The following GUCY2C variants were observed in gnomAD, a reference collection of about 807,000 sequenced individuals.
The protein encoded by GUCY2C is guanylyl cyclase C.
In GUCY2C, 118 loss-of-function variants were observed where a neutral mutation model predicts 131.1. The ratio of observed to expected loss-of-function variants is 0.90; its 90% CI spans 0.78 to 1.05. The LOEUF is 1.05. GUCY2C is among the 50% of genes least tolerant of loss of function. The pLI, the probability that GUCY2C is intolerant of heterozygous loss-of-function variation, is 0.00. For missense variants in GUCY2C, 1,161 were observed against 1,304.4 expected, an observed-to-expected ratio of 0.89 and a Z score of 1.69; for synonymous variants, 452 against 457.8, an observed-to-expected ratio of 0.99 and a Z score of 0.16.
intron 19 of GUCY2C, among the ~76,000 whole-genome samples, chr12:14,634,446 T>C (rs1311177570): frequency 6.6e-6 from 1 of 152,028 alleles, no homozygotes; most frequent in Non-Finnish European, 1.5e-5. Context: ...CATGAAAGTA[T>C]GAAACCCACT....
At position 14,616,690 on chromosome 12, in the gene GUCY2C, G is replaced by A. The variant is rs745573829; in HGVS notation, c.2913C>T (p.Ile971=). 2 of 1,609,762 alleles carry A rather than the reference G, an allele frequency of 1.2e-6. No homozygotes were observed. Among genetic ancestry groups the A allele is most frequent in the South Asian group, 2.2e-5 (2 of 90,976 alleles). Residue 971 remains isoleucine (I), a synonymous_variant, in exon 25 of 27, where the codon ATC becomes ATT. Coordinates refer to ENST00000261170, the MANE Select transcript of GUCY2C (RefSeq NM_004963.4). ...GGAACTGGCACTCAGTTCTCTTCAGGATGGCTATGGTGGAGCCACTCACGT... is the reference window on the plus strand; with the variant it reads ...GGAACTGGCACTCAGTTCTCTTCAGAATGGCTATGGTGGAGCCACTCACGT... The part of the protein sequence containing the change: ...RIHVSGSTIA[I]LKRTECQFLY...
In GUCY2C at chr12:14,631,012, G is replaced by C. The variant is rs555112435; in HGVS notation, c.2158-2275C>G. Among the ~76,000 whole-genome samples the C allele has an allele frequency of 4.3e-4, 66 of 152,262 alleles. No homozygotes were observed. The Middle Eastern group carries it at 0.01, about 24-fold the overall frequency. ...AGGAATGAGGAGAAGGCAGGGCTAGGAGCAGCTGTACTTCGGAAAGCTGTA... is the reference window on the plus strand; with the variant it reads ...AGGAATGAGGAGAAGGCAGGGCTAGCAGCAGCTGTACTTCGGAAAGCTGTA... On this transcript the variant is annotated intron_variant, in intron 19 of 26. Coordinates refer to ENST00000261170, the MANE Select transcript of GUCY2C (RefSeq NM_004963.4).
intron 10 of GUCY2C, among the ~76,000 whole-genome samples, chr12:14,666,465 T>A (rs1448144682): frequency 6.6e-6 from 1 of 152,218 alleles, no homozygotes; most frequent in Non-Finnish European, 1.5e-5. Flanking sequence ...CTGGGCGCCG[T>A]GGCTCATGCC....
At chr12:14,643,480 T>C in intron 17 of GUCY2C, 94 bp downstream of exon 17, 1 of 1,108,020 alleles carries the variant, frequency 9.0e-7, no homozygotes, top group Non-Finnish European at 1.3e-6. Context: ...TAAGTGCTTA[T>C]CTTCTGATCA....
rs149751189 is a variant in GUCY2C at position 14,676,570 on chromosome 12, T to C, written c.948+284A>G. On this transcript the variant is annotated intron_variant, in intron 7 of 26. Transcript: ENST00000261170. Reference sequence around the variant, plus strand: ...CTCAATAGCAGGGCTTCTTCCTGTCTTTCCATATTGTTACTTTCATGCCAA... The same window carrying C: ...CTCAATAGCAGGGCTTCTTCCTGTCCTTCCATATTGTTACTTTCATGCCAA... Among the ~76,000 whole-genome samples the C allele has an allele frequency of 5.6e-3, 853 of 152,362 alleles. 5 individuals carry two copies. Among genetic ancestry groups the C allele is most frequent in the Non-Finnish European group, 8.3e-3 (567 of 68,032 alleles).
chr12:14,677,538 TGG>T (rs1224103815), intron 6 of GUCY2C, among the ~76,000 whole-genome samples: 19 of 152,042 alleles, frequency 1.2e-4, no homozygotes, highest in Non-Finnish European at 2.2e-4. Flanking sequence ...GCAAATGCTA[TGG>T]TTTATTTTTA....
Position 14,657,865 on chromosome 12 carries a change from C to T in GUCY2C, c.1365-1248G>A, listed in dbSNP as rs771712336. On this transcript the variant is annotated intron_variant, in intron 11 of 26. Transcript: ENST00000261170. ...TTGGGCTATAGACGATGTACACTTT[C>T]GACTTTGCAGATATCACCAAATTGC... Among the ~76,000 whole-genome samples the T allele has an allele frequency of 5.3e-5, 8 of 152,252 alleles. No homozygotes were observed. In the East Asian group the frequency reaches 7.7e-4, roughly 15 times the overall value.
At position 14,679,743 on chromosome 12, in the gene GUCY2C, C is replaced by T. The variant is rs564426066; in HGVS notation, c.744G>A (p.Met248Ile). ...TGTAGAGGAACTCTGGACCACCACA[C>T]ATAATAATCACTGGAGGAGAAGGTA... ...DHNRKSNVII[M>I]CGGPEFLYKL... Residue 248 changes from methionine (M) to isoleucine (I), a missense_variant, in exon 6 of 27, where the codon ATG becomes ATA. Transcript: ENST00000261170. 3 of 1,556,644 alleles carry T rather than the reference C, an allele frequency of 1.9e-6. No homozygotes were observed. The highest frequency in any genetic ancestry group is 2.2e-5 in the South Asian group (2 of 89,880).
At chr12:14,622,424 A>G (rs1946916044) in intron 21 of GUCY2C, among the ~76,000 whole-genome samples, 1 of 152,246 alleles carries the variant, frequency 6.6e-6, no homozygotes, top group Non-Finnish European at 1.5e-5. Context: ...AAGCAGGTTC[A>G]ACATTAACTT....
chr12:14,686,744 G>C lies in GUCY2C; in HGVS notation c.331-519C>G, dbSNP rs902369961. On this transcript the variant is annotated intron_variant, in intron 2 of 26. Transcript: ENST00000261170. ...CTCATCCCTGGTTTTGGAGAACCAG[G>C]TTATACCTCTCTCTGTAGAGGCAGA... Among the ~76,000 whole-genome samples the C allele has an allele frequency of 5.3e-5, 8 of 152,284 alleles. No individual in the cohort carries two copies. In the East Asian group the frequency reaches 1.4e-3, roughly 26 times the overall value.
chr12:14,668,521 C>G (rs1948031677), intron 10 of GUCY2C, among the ~76,000 whole-genome samples: 1 of 151,862 alleles, frequency 6.6e-6, no homozygotes, highest in South Asian at 2.1e-4. Context: ...CCCAGGCTAT[C>G]TTGAACTTCT....
In GUCY2C at chr12:14,621,155, CG is replaced by C. The variant is rs764325331; in HGVS notation, c.2662del (p.Arg888GlyfsTer4). On this transcript the variant is annotated frameshift_variant, in exon 23 of 27. Coordinates refer to ENST00000261170, the MANE Select transcript of GUCY2C (RefSeq NM_004963.4). LOFTEE classifies it high-confidence loss of function. ...ASGLPKRNGN[R>X]HAIDIAKMAL... ...CATCTTGGCAATGTCTATTGCATGC[CG>C]ATTGCCATTTCTCTTAGGCAAACCA... 13 of 1,613,064 alleles carry C rather than the reference CG, an allele frequency of 8.1e-6. No homozygotes were observed. The highest frequency in any genetic ancestry group is 1.1e-5 in the Non-Finnish European group (13 of 1,179,300).
chr12:14,644,740 CTTTTTT>C (rs542151875), intron 16 of GUCY2C, among the ~76,000 whole-genome samples: 2 of 108,662 alleles, frequency 1.8e-5, no homozygotes, highest in South Asian at 3.1e-4. Context: ...ATTCAGTTGT[CTTTTTT>C]TTTTTTTTTT....
chr12:14,646,247 A>G (rs990886002), intron 15 of GUCY2C, among the ~76,000 whole-genome samples: 8 of 152,146 alleles, frequency 5.3e-5, no homozygotes, highest in African/African-American at 1.9e-4. Context: ...TCTAAACAGG[A>G]CTCTAACTGA....
chr12:14,637,915 A>C (rs578190172), intron 19 of GUCY2C, among the ~76,000 whole-genome samples: 1 of 152,324 alleles, frequency 6.6e-6, no homozygotes, highest in African/African-American at 2.4e-5. Context: ...ACAGCAAGGG[A>C]AACAACAGAG....
At chr12:14,623,583 T>G (rs1362194701) in intron 21 of GUCY2C, among the ~76,000 whole-genome samples, 1 of 152,206 alleles carries the variant, frequency 6.6e-6, no homozygotes, top group Non-Finnish European at 1.5e-5. Flanking sequence ...TTGTACTGCT[T>G]ATATCTGAAA....
chr12:14,693,254 G>A (rs1174443681), intron 1 of GUCY2C, among the ~76,000 whole-genome samples: 2 of 152,084 alleles, frequency 1.3e-5, no homozygotes, highest in Admixed American at 1.3e-4. Context: ...TTGGACCAAC[G>A]TGGACCAACA....
intron 10 of GUCY2C, among the ~76,000 whole-genome samples, chr12:14,666,275 C>A (rs1947978303): frequency 6.6e-6 from 1 of 152,190 alleles, no homozygotes; most frequent in Admixed American, 6.5e-5. Flanking sequence ...CACATGGCTA[C>A]AAAGAAAAGG....
chr12:14,690,688 C>G (rs1169249677), intron 1 of GUCY2C, among the ~76,000 whole-genome samples: 1 of 152,122 alleles, frequency 6.6e-6, no homozygotes, highest in Admixed American at 6.5e-5. Flanking sequence ...ACTACAGGTG[C>G]CCACCACCAC....
Sources: allele counts gnomAD v4.1 joint callset (sites outside exome capture counted in the v4.1 genomes callset), GRCh38; gene constraint gnomAD v4.1.1; transcripts MANE v1.5; gene names NCBI Gene and HGNC (gene_info 2026-07-23, HGNC 2026-07-21).